PLEKHA2: variants seen among roughly 807,000 people sequenced by gnomAD.
The protein encoded by PLEKHA2 is pleckstrin homology domain-containing family A member 2.
A neutral mutation model predicts 53.2 loss-of-function variants in PLEKHA2; 28 were observed. That is an observed-to-expected ratio of 0.53 (90% CI 0.39 to 0.72). The LOEUF (loss-of-function observed/expected upper bound fraction) is 0.72, where lower values mean the gene tolerates loss of function less well. Ranked by LOEUF, PLEKHA2 falls within the 30% of genes least tolerant of loss-of-function variation. The pLI is 0.00. For synonymous variants in PLEKHA2, 193 were observed against 196.4 expected, an observed-to-expected ratio of 0.98 and a Z score of 0.14; for missense variants, 426 against 537.9, an observed-to-expected ratio of 0.79 and a Z score of 2.06.
Position 38,922,463 on chromosome 8 carries a change from G to A in PLEKHA2, c.141+4393G>A, listed in dbSNP as rs1055338196. 6.6e-6 allele frequency among the ~76,000 whole-genome samples: 1 copy of A among 152,210 alleles called. No individual in the cohort carries two copies. Among genetic ancestry groups the A allele is most frequent in the Admixed American group, 6.5e-5 (1 of 15,282 alleles). On this transcript the variant is annotated intron_variant, in intron 2 of 11. Coordinates refer to ENST00000617275, the MANE Select transcript of PLEKHA2 (RefSeq NM_021623.2). The surrounding 1 kb of genome is among the most constrained non-coding windows in gnomAD (Gnocchi z 4.0). Reference sequence around the variant, plus strand: ...TGGGACTGGGGACAGGGCCAAAATGGAATGGAAGCTCTGCAGAGAGGGGCA... The same window carrying A: ...TGGGACTGGGGACAGGGCCAAAATGAAATGGAAGCTCTGCAGAGAGGGGCA...
At chr8:38,958,017 G>A (rs1834972736) in intron 10 of PLEKHA2, among the ~76,000 whole-genome samples, 1 of 152,172 alleles carries the variant, frequency 6.6e-6, no homozygotes, top group African/African-American at 2.4e-5. Context: ...GGTGATGCTG[G>A]ACTTTTAGTA....
intron 2 of PLEKHA2, among the ~76,000 whole-genome samples, chr8:38,920,543 G>T (rs1197830599): frequency 1.3e-5 from 2 of 151,402 alleles, no homozygotes; most frequent in Non-Finnish European, 2.9e-5. Context: ...CCAAAGTGCT[G>T]GGATTACAGG....
chr8:38,925,276 A>T (rs1043707053), intron 2 of PLEKHA2, among the ~76,000 whole-genome samples: 7 of 152,194 alleles, frequency 4.6e-5, no homozygotes, highest in African/African-American at 1.7e-4. Context: ...ATGATAGAGG[A>T]GATGAAATTC....
At chr8:38,948,140 A>G (rs1275869416) in intron 5 of PLEKHA2, among the ~76,000 whole-genome samples, 2 of 152,022 alleles carry the variant, frequency 1.3e-5, no homozygotes, top group African/African-American at 4.8e-5. Flanking sequence ...GGTTTCAGGA[A>G]TTCATCTGGG....
intron 5 of PLEKHA2, among the ~76,000 whole-genome samples, chr8:38,948,577 A>G (rs968516198): frequency 1.1e-4 from 16 of 152,190 alleles, no homozygotes; most frequent in Non-Finnish European, 8.8e-5. Flanking sequence ...CTGAGTGTGC[A>G]GTCCAGGAAG....
At chr8:38,937,693 A>G (rs1354465168) in intron 3 of PLEKHA2, among the ~76,000 whole-genome samples, 1 of 152,146 alleles carries the variant, frequency 6.6e-6, no homozygotes, top group Non-Finnish European at 1.5e-5. Context: ...CACAGCTGCC[A>G]CTGGGTCGGG....
chr8:38,958,862 C>T (rs1047021007), intron 10 of PLEKHA2, among the ~76,000 whole-genome samples: 1 of 152,054 alleles, frequency 6.6e-6, no homozygotes, highest in Admixed American at 6.6e-5. Context: ...AGAGAGAGCT[C>T]GTCAAGTCCA....
rs189248890 is a variant in PLEKHA2 at position 38,939,104 on chromosome 8, A to T, written c.198+3054A>T. On this transcript the variant is annotated intron_variant, in intron 3 of 11. Coordinates refer to ENST00000617275, the MANE Select transcript of PLEKHA2 (RefSeq NM_021623.2). The stretch of plus-strand genomic sequence containing the variant: ...TTTTTAGTAGAGACGGGGTTTCACC[A>T]TGTTGACCAGGCTGGTCTCGAACTC... Among the ~76,000 whole-genome samples the T allele has an allele frequency of 5.1e-4, 78 of 152,052 alleles. No individual in the cohort carries two copies. In the South Asian group the frequency reaches 5.2e-3, roughly 10 times the overall value.
At chr8:38,923,098 C>T (rs1050847548) in intron 2 of PLEKHA2, among the ~76,000 whole-genome samples, 1 of 152,192 alleles carries the variant, frequency 6.6e-6, no homozygotes, top group Non-Finnish European at 1.5e-5. Flanking sequence ...ATCATTATAA[C>T]AGGGTAGCAT....
At chr8:38,923,509 T>C (rs778737539) in intron 2 of PLEKHA2, among the ~76,000 whole-genome samples, 3 of 152,188 alleles carry the variant, frequency 2.0e-5, no homozygotes, top group Non-Finnish European at 2.9e-5. Flanking sequence ...GCCCAGCCTG[T>C]AGGTGATCCT....
At chr8:38,966,924 T>C (rs1001403884) in intron 10 of PLEKHA2, among the ~76,000 whole-genome samples, 8 of 152,070 alleles carry the variant, frequency 5.3e-5, no homozygotes, top group African/African-American at 1.9e-4. Flanking sequence ...ATCAAGTAAT[T>C]TCTCATCCCT....
intron 10 of PLEKHA2, among the ~76,000 whole-genome samples, chr8:38,964,414 C>T (rs1278619406): frequency 1.3e-5 from 2 of 152,012 alleles, no homozygotes; most frequent in Admixed American, 6.6e-5. Flanking sequence ...GACTGCGAAC[C>T]CTATTGTGAA....
intron 10 of PLEKHA2, among the ~76,000 whole-genome samples, chr8:38,962,959 C>T (rs1421634769): frequency 4.6e-5 from 7 of 152,134 alleles, no homozygotes. Flanking sequence ...GGCACTAGTT[C>T]TTGGGAAAGG....
intron 9 of PLEKHA2, among the ~76,000 whole-genome samples, chr8:38,954,357 A>G (rs978686897): frequency 6.6e-6 from 1 of 152,202 alleles, no homozygotes; most frequent in Non-Finnish European, 1.5e-5. Context: ...AAATTCCAGA[A>G]GTGTGGCTCT....
intron 10 of PLEKHA2, among the ~76,000 whole-genome samples, chr8:38,959,654 T>C (rs1322333671): frequency 6.6e-6 from 1 of 152,194 alleles, no homozygotes; most frequent in Non-Finnish European, 1.5e-5. Context: ...GTTTGAAGGC[T>C]GTTGTTAATA....
At chr8:38,918,422 CCACACACACCA>C (rs1472941741) in intron 2 of PLEKHA2, among the ~76,000 whole-genome samples, 4 of 148,234 alleles carry the variant, frequency 2.7e-5, no homozygotes, top group Middle Eastern at 3.7e-3. Context: ...CATACACACA[CCACACACACCA>C]TACACACACA....
intron 2 of PLEKHA2, among the ~76,000 whole-genome samples, chr8:38,921,915 T>C (rs1291458673): frequency 3.3e-5 from 5 of 152,250 alleles, no homozygotes; most frequent in African/African-American, 1.2e-4. Context: ...GATTTAAGTG[T>C]GGATGTTTCA....
At chr8:38,919,614 A>G (rs2152368804) in intron 2 of PLEKHA2, among the ~76,000 whole-genome samples, 1 of 152,286 alleles carries the variant, frequency 6.6e-6, no homozygotes, top group East Asian at 1.9e-4. Context: ...AGTTATGTGA[A>G]TCTCTAGGTC....
At chr8:38,909,575 G>A (rs1224043598) in intron 1 of PLEKHA2, among the ~76,000 whole-genome samples, 3 of 152,080 alleles carry the variant, frequency 2.0e-5, no homozygotes, top group Non-Finnish European at 4.4e-5. Context: ...TCAGTTCCTC[G>A]GGGCAATTTT....
Sources: gnomAD v4.1 joint callset for allele counts (sites outside exome capture counted in the v4.1 genomes callset) on GRCh38, gnomAD v4.1.1 for gene constraint, Gnocchi (gnomAD v3.1) non-coding constraint, MANE v1.5 for transcripts, NCBI Gene and HGNC (gene_info 2026-07-23, HGNC 2026-07-21) for gene names.